RBFOX1: variants seen among roughly 807,000 people sequenced by gnomAD.
RBFOX1 encodes RNA binding fox-1 homolog 1.
Under a neutral mutation model 57.7 loss-of-function variants are expected in RBFOX1, and 8 were observed. That is an observed-to-expected ratio of 0.14 (90% CI 0.08 to 0.25). RBFOX1 has a LOEUF of 0.25. Among genes scored for constraint, RBFOX1 ranks in the 10% least tolerant of loss-of-function variants. RBFOX1 has a pLI of 1.00. For synonymous variants in RBFOX1, 326 were observed against 222.4 expected, an observed-to-expected ratio of 1.47 and a Z score of -4.15; for missense variants, 611 against 548.5, an observed-to-expected ratio of 1.11 and a Z score of -1.14.
At chr16:6,303,781 C>G (rs573734682) in intron 1 of RBFOX1, among the ~76,000 whole-genome samples, 26 of 138,662 alleles carry the variant, frequency 1.9e-4, no homozygotes, top group Non-Finnish European at 3.9e-4. Context: ...TGAGACCGGT[C>G]TGGCTAACAT....
chr16:5,470,277 G>T (rs2069090152), intron 2 of RBFOX1, among the ~76,000 whole-genome samples: 1 of 152,158 alleles, frequency 6.6e-6, no homozygotes, highest in Non-Finnish European at 1.5e-5. Context: ...CAAAGAAGGG[G>T]GTAGGAGATC....
At chr16:5,839,272 C>G (rs941318662) in intron 3 of RBFOX1, among the ~76,000 whole-genome samples, 3 of 152,148 alleles carry the variant, frequency 2.0e-5, no homozygotes, top group East Asian at 1.9e-4. Flanking sequence ...GAAAGTCTTA[C>G]AAAAAATCAC....
At chr16:6,738,498 T>C (rs554529960) in intron 3 of RBFOX1, among the ~76,000 whole-genome samples, 80 of 152,232 alleles carry the variant, frequency 5.3e-4, no homozygotes, top group African/African-American at 1.9e-3. Flanking sequence ...AGCAAAAACA[T>C]GTAGAACATA....
intron 4 of RBFOX1, among the ~76,000 whole-genome samples, chr16:7,392,399 G>T (rs1347554158): frequency 6.6e-6 from 1 of 152,154 alleles, no homozygotes; most frequent in African/African-American, 2.4e-5. Flanking sequence ...TTGAGGAAAT[G>T]CCTTGGTCAT....
chr16:7,388,755 TA>T (rs1295906853), intron 4 of RBFOX1, among the ~76,000 whole-genome samples: 21 of 150,550 alleles, frequency 1.4e-4, no homozygotes, highest in African/African-American at 4.1e-4. Flanking sequence ...AATACTATTA[TA>T]AAATTAGCTT....
intron 5 of RBFOX1, among the ~76,000 whole-genome samples, chr16:7,521,804 G>A (rs549312539): frequency 2.6e-4 from 39 of 152,300 alleles, no homozygotes; most frequent in African/African-American, 9.1e-4. Context: ...TCAGTAGGAA[G>A]CATGTTGGCC....
chr16:6,236,481 C>A (rs2097505884), intron 1 of RBFOX1, among the ~76,000 whole-genome samples: 1 of 151,504 alleles, frequency 6.6e-6, no homozygotes, highest in Non-Finnish European at 1.5e-5. Context: ...GTCCCTCAGG[C>A]TGGAGTGCAG....
intron 3 of RBFOX1, among the ~76,000 whole-genome samples, chr16:5,789,624 T>C (rs1360107583): frequency 6.6e-6 from 1 of 152,182 alleles, no homozygotes; most frequent in East Asian, 1.9e-4. Flanking sequence ...TGGTTAAGCT[T>C]TTTCCCCAGT....
chr16:6,654,704 A>C, intron 3 of RBFOX1, 54 bp downstream of exon 3: 1 of 1,385,562 alleles, frequency 7.2e-7, no homozygotes, highest in Non-Finnish European at 9.6e-7. Flanking sequence ...AACTCTGTGA[A>C]TTGAACCCAG....
intron 2 of RBFOX1, among the ~76,000 whole-genome samples, chr16:5,477,082 A>G (rs1481018617): frequency 3.3e-5 from 5 of 152,162 alleles, no homozygotes; most frequent in Non-Finnish European, 5.9e-5. Flanking sequence ...GGTACAATGA[A>G]GGCTCACAGC....
intron 4 of RBFOX1, among the ~76,000 whole-genome samples, chr16:7,289,226 A>G (rs1555672444): frequency 6.6e-6 from 1 of 152,176 alleles, no homozygotes; most frequent in Non-Finnish European, 1.5e-5. Context: ...TTGAGAGAGA[A>G]AGCAAGATTG....
chr16:5,346,886 A>C (rs2065152099), intron 1 of RBFOX1, among the ~76,000 whole-genome samples: 1 of 152,208 alleles, frequency 6.6e-6, no homozygotes, highest in South Asian at 2.1e-4. Flanking sequence ...GTGGGGCTTA[A>C]ATAACTGACG....
intron 3 of RBFOX1, among the ~76,000 whole-genome samples, chr16:6,855,929 G>A (rs2057802594): frequency 6.9e-6 from 1 of 145,818 alleles, no homozygotes; most frequent in African/African-American, 2.6e-5. Context: ...CTTTACTCAT[G>A]CACATATTCA....
chr16:5,634,009 T>G (rs1330770998), intron 3 of RBFOX1, among the ~76,000 whole-genome samples: 1 of 152,082 alleles, frequency 6.6e-6, no homozygotes, highest in Non-Finnish European at 1.5e-5. Flanking sequence ...CCACCTTGAG[T>G]GTAATGGTGT....
At chr16:6,650,467 A>T (rs2154082861) in intron 2 of RBFOX1, among the ~76,000 whole-genome samples, 1 of 152,230 alleles carries the variant, frequency 6.6e-6, no homozygotes, top group East Asian at 1.9e-4. Flanking sequence ...TCATTGTGTG[A>T]TTCAGTATGA....
intron 4 of RBFOX1, among the ~76,000 whole-genome samples, chr16:7,431,886 C>G (rs140651868): frequency 1.1e-4 from 16 of 152,194 alleles, no homozygotes; most frequent in Non-Finnish European, 1.5e-5. Flanking sequence ...GACCTTTCCC[C>G]CACCATCCAG....
intron 3 of RBFOX1, among the ~76,000 whole-genome samples, chr16:5,815,385 T>C (rs2055597089): frequency 6.6e-6 from 1 of 152,078 alleles, no homozygotes; most frequent in Non-Finnish European, 1.5e-5. Flanking sequence ...CAGTGGTCAG[T>C]AGCTGGCCAG....
chr16:6,841,910 G>A lies in RBFOX1; in HGVS notation c.-16+187260G>A, dbSNP rs187933274. ...TCCTAGCACTTTGGGAGGTCGAGGC[G>A]GGTGGATCACGAGGTCAGGAGATCG... On this transcript the variant is annotated intron_variant, in intron 3 of 15. Coordinates refer to ENST00000550418, the MANE Select transcript of RBFOX1 (RefSeq NM_018723.4). 9.9e-5 allele frequency among the ~76,000 whole-genome samples: 15 copies of A among 151,916 alleles called. No homozygotes were observed. In the East Asian group the frequency reaches 1.2e-3, roughly 12 times the overall value.
chr16:7,089,712 C>A (rs912294915), intron 4 of RBFOX1, among the ~76,000 whole-genome samples: 4 of 152,164 alleles, frequency 2.6e-5, no homozygotes, highest in African/African-American at 9.7e-5. Context: ...ATCCGAAAAA[C>A]TTGCTGATTT....
Sources: allele counts gnomAD v4.1 joint callset (sites outside exome capture counted in the v4.1 genomes callset), GRCh38; gene constraint gnomAD v4.1.1; transcripts MANE v1.5; gene names NCBI Gene and HGNC (gene_info 2026-07-23, HGNC 2026-07-21).